WDR88: variants seen among roughly 807,000 people sequenced by gnomAD.
The protein encoded by WDR88 is WD repeat domain 88.
In WDR88, 40 loss-of-function variants were observed where a neutral mutation model predicts 46.8. That is an observed-to-expected ratio of 0.86 (90% confidence interval 0.66 to 1.11). The LOEUF (loss-of-function observed/expected upper bound fraction) is 1.11, where lower values mean the gene tolerates loss of function less well. Ranked by LOEUF, WDR88 falls within the 50% of genes most tolerant of loss-of-function variation. The probability of loss-of-function intolerance (pLI) is 0.00; values close to 1 mark genes in which losing one functional copy is unlikely to be tolerated. For synonymous variants in WDR88, 235 were observed against 240.7 expected, an observed-to-expected ratio of 0.98 and a Z score of 0.22; for missense variants, 562 against 602.4, an observed-to-expected ratio of 0.93 and a Z score of 0.70.
At position 33,148,976 on chromosome 19, in the gene WDR88, C is replaced by T. The variant is rs182263580; in HGVS notation, c.679+66C>T. 1.3e-4 allele frequency: 206 copies of T among 1,601,218 alleles called. No homozygotes were observed. The Admixed American group carries it at 2.0e-3, about 15-fold the overall frequency. Reference sequence around the variant, plus strand: ...GGAATAGCCACTTGTCACTGACTGACGGTGACCTTCCATTGCTTTATTTGG... The same window carrying T: ...GGAATAGCCACTTGTCACTGACTGATGGTGACCTTCCATTGCTTTATTTGG... On this transcript the variant is annotated intron_variant, in intron 5 of 10. Coordinates refer to ENST00000355868, the MANE Select transcript of WDR88 (RefSeq NM_173479.4).
intron 1 of WDR88, among the ~76,000 whole-genome samples, chr19:33,133,193 A>AG (rs1568355825): frequency 2.7e-3 from 116 of 42,198 alleles, no homozygotes; most frequent in Admixed American, 0.013. Flanking sequence ...ATAAATAAAT[A>AG]AATATAGAGA....
intron 9 of WDR88, among the ~76,000 whole-genome samples, chr19:33,165,829 G>A (rs1473839577): frequency 6.7e-6 from 1 of 149,762 alleles, no homozygotes; most frequent in African/African-American, 2.5e-5. Flanking sequence ...GGAGGCAGAG[G>A]TTGCAGTGAG....
At chr19:33,142,114 G>A (rs1288397957) in intron 2 of WDR88, among the ~76,000 whole-genome samples, 1 of 152,130 alleles carries the variant, frequency 6.6e-6, no homozygotes, top group East Asian at 1.9e-4. Flanking sequence ...ACTGTGACAA[G>A]AGGAGATGAC....
chr19:33,167,069 C>T (rs927796753), intron 9 of WDR88, among the ~76,000 whole-genome samples: 1 of 152,032 alleles, frequency 6.6e-6, no homozygotes, highest in Non-Finnish European at 1.5e-5. Flanking sequence ...TTCTATGAGG[C>T]CAGCACAAGT....
intron 1 of WDR88, among the ~76,000 whole-genome samples, chr19:33,136,877 C>T (rs1252954651): frequency 2.0e-5 from 3 of 152,018 alleles, no homozygotes; most frequent in African/African-American, 4.8e-5. Flanking sequence ...ACATCCCGCC[C>T]TTGCATATCT....
In WDR88 at chr19:33,133,581, C is replaced by T. The variant is rs535855686; in HGVS notation, c.276+1136C>T. On this transcript the variant is annotated intron_variant, in intron 1 of 10. Transcript: ENST00000355868. ...TCAATAAGTAGCGTTTCATGCTTGG[C>T]CTTGATTTATTGCACTCACATGCAG... Among the ~76,000 whole-genome samples, 5 of 152,248 alleles carry T rather than the reference C, an allele frequency of 3.3e-5. No individual in the cohort carries two copies. The East Asian group carries it at 9.6e-4, about 29-fold the overall frequency.
At chr19:33,134,915 GTCC>G (rs1195135531) in intron 1 of WDR88, among the ~76,000 whole-genome samples, 1 of 122,956 alleles carries the variant, frequency 8.1e-6, no homozygotes, top group Non-Finnish European at 1.6e-5. Context: ...CCTCACCCCT[GTCC>G]TCCTGCCAAC....
At chr19:33,175,317 C>T in intron 10 of WDR88, 79 bp from the exon 11 acceptor site, 1 of 1,443,206 alleles carries the variant, frequency 6.9e-7, no homozygotes, top group Non-Finnish European at 9.6e-7. Flanking sequence ...CTCAAGGTAG[C>T]TGGGAGAATT....
At chr19:33,136,542 T>A (rs112698109) in intron 1 of WDR88, among the ~76,000 whole-genome samples, 226 of 152,140 alleles carry the variant, frequency 1.5e-3, no homozygotes, top group Admixed American at 2.0e-3. Flanking sequence ...ATGCTGAGAA[T>A]CTTTTCATGT....
At chr19:33,139,962 G>A (rs1320086614) in intron 2 of WDR88, among the ~76,000 whole-genome samples, 1 of 152,124 alleles carries the variant, frequency 6.6e-6, no homozygotes, top group Non-Finnish European at 1.5e-5. Flanking sequence ...CCCTGGGTCT[G>A]CCCATGCTGC....
At chr19:33,155,139 A>C (rs1358006281) in intron 6 of WDR88, among the ~76,000 whole-genome samples, 1 of 152,120 alleles carries the variant, frequency 6.6e-6, no homozygotes, top group Non-Finnish European at 1.5e-5. Flanking sequence ...AATTGGAATG[A>C]ATAACTTCAT....
At chr19:33,136,276 A>G (rs1973264600) in intron 1 of WDR88, among the ~76,000 whole-genome samples, 1 of 151,978 alleles carries the variant, frequency 6.6e-6, no homozygotes, top group Admixed American at 6.6e-5. Flanking sequence ...GCTGGTCTCA[A>G]ACTCCCAACC....
intron 1 of WDR88, 44 bp from the exon 2 acceptor site, chr19:33,137,633 T>G: frequency 6.8e-7 from 1 of 1,481,444 alleles, no homozygotes; most frequent in Non-Finnish European, 9.4e-7. Context: ...ATTGATTTTG[T>G]GTCCTGCAAC....
In WDR88 at chr19:33,132,163, C is replaced by A. The variant is rs755428331; in HGVS notation, c.-7C>A. The A allele has an allele frequency of 1.3e-6, 2 of 1,581,764 alleles. No individual in the cohort carries two copies. Among genetic ancestry groups the A allele is most frequent in the South Asian group, 2.2e-5 (2 of 89,682 alleles). ...TGTCGGCGGCCACCGGCGGACCGGG[C>A]TTCGAGATGGCCTCCCCGCCGCGGT... On this transcript the variant is annotated 5_prime_UTR_variant, in exon 1 of 11. Coordinates refer to ENST00000355868, the MANE Select transcript of WDR88 (RefSeq NM_173479.4).
chr19:33,144,425 C>G (rs886415746), intron 2 of WDR88, among the ~76,000 whole-genome samples: 1 of 152,120 alleles, frequency 6.6e-6, no homozygotes. Flanking sequence ...GTCTTGAACT[C>G]CTGACCTCAG....
rs1483579988 is a variant in WDR88 at position 33,157,693 on chromosome 19, A to G, written c.997+1151A>G. Among the ~76,000 whole-genome samples the G allele has an allele frequency of 8.8e-3, 11 of 1,254 alleles. 1 individual carries two copies. Among genetic ancestry groups the G allele is most frequent in the Non-Finnish European group, 0.024 (9 of 376 alleles). The allele number at this position is 1,254 out of a possible 152,430, so 0.8% of individuals were successfully genotyped here. A position where few individuals can be genotyped will look rare whatever the true frequency, so the allele number is the denominator to read the frequency against. On this transcript the variant is annotated intron_variant, in intron 7 of 10. Coordinates refer to ENST00000355868, the MANE Select transcript of WDR88 (RefSeq NM_173479.4). ...TGTGTGTGTGTGTATGTATGTATATATATATATATATATATATATATATAT... is the reference window on the plus strand; with the variant it reads ...TGTGTGTGTGTGTATGTATGTATATGTATATATATATATATATATATATAT...
intron 5 of WDR88, among the ~76,000 whole-genome samples, chr19:33,149,578 G>C (rs1973590832): frequency 6.6e-6 from 1 of 151,920 alleles, no homozygotes; most frequent in Non-Finnish European, 1.5e-5. Flanking sequence ...TCAAACTCCT[G>C]GCCTCGAGGG....
At position 33,144,832 on chromosome 19, in the gene WDR88, C is replaced by A; in HGVS notation, c.388-12C>A. 6.2e-7 allele frequency: 1 copy of A among 1,612,358 alleles called. No homozygotes were observed. Among genetic ancestry groups the A allele is most frequent in the Non-Finnish European group, 8.5e-7 (1 of 1,179,108 alleles). On this transcript the variant is annotated splice_polypyrimidine_tract_variant and intron_variant, in intron 2 of 10. Coordinates refer to ENST00000355868, the MANE Select transcript of WDR88 (RefSeq NM_173479.4). ...GACCACTCTCTTCTCCTCTCTCTCCCGTTGATTTGAGGATCCGGTGGACGG... is the reference window on the plus strand; with the variant it reads ...GACCACTCTCTTCTCCTCTCTCTCCAGTTGATTTGAGGATCCGGTGGACGG...
chr19:33,144,993 GTA>G, intron 3 of WDR88, 61 bp downstream of exon 3: 1 of 1,472,968 alleles, frequency 6.8e-7, no homozygotes, highest in Non-Finnish European at 9.4e-7. Flanking sequence ...CCATAAATAG[GTA>G]TGCCTGTGAC....
Sources: gnomAD v4.1 joint callset for allele counts (sites outside exome capture counted in the v4.1 genomes callset) on GRCh38, gnomAD v4.1.1 for gene constraint, MANE v1.5 for transcripts, NCBI Gene and HGNC (gene_info 2026-07-23, HGNC 2026-07-21) for gene names.